Variants in ARHGAP42 observed in about 807,000 individuals in gnomAD.
The protein encoded by ARHGAP42 is Rho GTPase activating protein 42.
Under a neutral mutation model 125.0 loss-of-function variants are expected in ARHGAP42, and 63 were observed. The ratio of observed to expected loss-of-function variants is 0.50; its 90% CI spans 0.41 to 0.62. ARHGAP42 has a LOEUF of 0.62. Ranked by LOEUF, ARHGAP42 falls within the 20% of genes least tolerant of loss-of-function variation. ARHGAP42 has a pLI of 0.00. For missense variants in ARHGAP42, 766 were observed against 1,024.2 expected (o/e 0.75, Z 3.44); for synonymous variants, 339 against 351.0 (o/e 0.97, Z 0.38).
intron 2 of ARHGAP42, among the ~76,000 whole-genome samples, chr11:100,790,864 A>G (rs1033124346): frequency 6.6e-6 from 1 of 152,240 alleles, no homozygotes; most frequent in Non-Finnish European, 1.5e-5. Flanking sequence ...CCCCAAAACC[A>G]GATAATAAAG....
intron 4 of ARHGAP42, among the ~76,000 whole-genome samples, chr11:100,864,170 G>C (rs1473832031): frequency 6.6e-6 from 1 of 151,660 alleles, no homozygotes; most frequent in Non-Finnish European, 1.5e-5. Flanking sequence ...AGTATAGATA[G>C]AGCTCTATGT....
chr11:100,948,406 A>C (rs1868080120), intron 10 of ARHGAP42, 51 bp from the exon 11 acceptor site: 1 of 1,318,158 alleles, frequency 7.6e-7, no homozygotes, highest in African/African-American at 1.5e-5. Context: ...TTAACTGAGA[A>C]TTTAAAAAGT....
intron 3 of ARHGAP42, among the ~76,000 whole-genome samples, chr11:100,818,447 G>A (rs1029301846): frequency 2.6e-5 from 4 of 152,172 alleles, no homozygotes; most frequent in Middle Eastern, 3.2e-3. Flanking sequence ...GAGGAGGGAG[G>A]AGTTACTTCT....
intron 1 of ARHGAP42, among the ~76,000 whole-genome samples, chr11:100,745,544 A>G (rs540851774): frequency 5.9e-5 from 9 of 152,322 alleles, no homozygotes; most frequent in Admixed American, 5.2e-4. Flanking sequence ...CCACTTTTCT[A>G]GCCATCCTGT....
intron 6 of ARHGAP42, among the ~76,000 whole-genome samples, chr11:100,923,409 C>T (rs1490859449): frequency 1.3e-5 from 2 of 152,156 alleles, no homozygotes; most frequent in Admixed American, 6.5e-5. Context: ...TGGAATAATC[C>T]TTTCACATCT....
At position 100,976,253 on chromosome 11, in the gene ARHGAP42, T is replaced by C. The variant is rs1474274386; in HGVS notation, c.2052T>C (p.Pro684=). ...GCCTTGGTCTGTGGACAACTAGTCCTGAATCAAGTTCCAGAGAAGATGCAA... is the reference window on the plus strand; with the variant it reads ...GCCTTGGTCTGTGGACAACTAGTCCCGAATCAAGTTCCAGAGAAGATGCAA... ...QKSLGLWTTS[P]ESSSREDATK... Residue 684 remains proline (P), a synonymous_variant, in exon 20 of 24, where the codon CCT becomes CCC. Coordinates refer to ENST00000298815, the MANE Select transcript of ARHGAP42 (RefSeq NM_152432.4). 6.4e-7 allele frequency: 1 copy of C among 1,551,690 alleles called. No homozygotes were observed.
chr11:100,970,404 G>GA (rs1487495864), intron 17 of ARHGAP42, among the ~76,000 whole-genome samples: 2 of 152,074 alleles, frequency 1.3e-5, no homozygotes, highest in Admixed American at 6.6e-5. Flanking sequence ...GTCACCCAGG[G>GA]ATAACAATAG....
intron 6 of ARHGAP42, among the ~76,000 whole-genome samples, chr11:100,928,442 T>C (rs571353047): frequency 3.3e-5 from 5 of 152,006 alleles, no homozygotes; most frequent in Non-Finnish European, 5.9e-5. Flanking sequence ...CAAAAATTAG[T>C]TGGGCATGGT....
chr11:100,920,233 T>C (rs3843607), intron 5 of ARHGAP42, among the ~76,000 whole-genome samples: 7,014 of 152,282 alleles, frequency 0.046, 317 homozygotes, highest in East Asian at 0.25. Flanking sequence ...GAGTTGCTGG[T>C]AATATTGGAT....
intron 22 of ARHGAP42, 37 bp from the exon 23 acceptor site, chr11:100,987,476 A>G (rs1858711393): frequency 2.0e-6 from 3 of 1,486,592 alleles, no homozygotes; most frequent in Non-Finnish European, 2.8e-6. Context: ...CCTTAGGTTG[A>G]GTGTTGAGGT....
chr11:100,938,959 T>C (rs547105), intron 8 of ARHGAP42, among the ~76,000 whole-genome samples: 131,050 of 151,568 alleles, frequency 0.86, 56,554 homozygotes, highest in East Asian at 1. Context: ...GACACACTTA[T>C]ACAATTAGCA....
At chr11:100,951,783 C>T (rs616164) in intron 12 of ARHGAP42, among the ~76,000 whole-genome samples, 134,246 of 152,176 alleles carry the variant, frequency 0.88, 59,309 homozygotes, top group East Asian at 1. Flanking sequence ...AAATGGTGTG[C>T]GTTTCAGAAA....
intron 1 of ARHGAP42, among the ~76,000 whole-genome samples, chr11:100,706,771 C>A (rs764086430): frequency 9.6e-4 from 146 of 152,070 alleles, no homozygotes; most frequent in Non-Finnish European, 1.5e-3. Flanking sequence ...TAATTCACTG[C>A]CATAAAATTT....
At chr11:100,860,359 T>C (rs929218996) in intron 4 of ARHGAP42, among the ~76,000 whole-genome samples, 9 of 152,112 alleles carry the variant, frequency 5.9e-5, no homozygotes, top group African/African-American at 1.9e-4. Context: ...ATATTTGAAA[T>C]AGCCTACTAA....
At chr11:100,759,647 T>C (rs952756040) in intron 1 of ARHGAP42, among the ~76,000 whole-genome samples, 2 of 152,012 alleles carry the variant, frequency 1.3e-5, no homozygotes, top group Admixed American at 1.3e-4. Flanking sequence ...ATGCAATATT[T>C]CTCAAAGATT....
chr11:100,883,807 C>G (rs1017503292), intron 4 of ARHGAP42, among the ~76,000 whole-genome samples: 3 of 152,100 alleles, frequency 2.0e-5, no homozygotes, highest in African/African-American at 4.8e-5. Context: ...GCTTTGGGTC[C>G]ACAAGAAGGA....
chr11:100,693,094 C>T (rs1013103933), intron 1 of ARHGAP42, among the ~76,000 whole-genome samples: 4 of 151,714 alleles, frequency 2.6e-5, no homozygotes, highest in African/African-American at 9.7e-5. Context: ...ACTTGGTCAT[C>T]CTTTAGCTTC....
chr11:100,818,473 G>T (rs1486281504), intron 3 of ARHGAP42, among the ~76,000 whole-genome samples: 2 of 152,124 alleles, frequency 1.3e-5, no homozygotes, highest in African/African-American at 2.4e-5. Context: ...GAGGAATTTG[G>T]AAAGACTTAG....
chr11:100,873,712 C>T (rs1865749545), intron 4 of ARHGAP42, among the ~76,000 whole-genome samples: 1 of 152,164 alleles, frequency 6.6e-6, no homozygotes. Context: ...TACAACAAAT[C>T]CATGAGGTAG....
Sources: allele counts gnomAD v4.1 joint callset (sites outside exome capture counted in the v4.1 genomes callset), GRCh38; gene constraint gnomAD v4.1.1; transcripts MANE v1.5; gene names NCBI Gene and HGNC (gene_info 2026-07-23, HGNC 2026-07-21).